MGAM: variants seen among roughly 807,000 people sequenced by gnomAD.
The protein encoded by MGAM is alpha-1,4-glucosidase.
MGAM carries 253 observed loss-of-function variants against 358.8 expected under a neutral mutation model. The ratio of observed to expected loss-of-function variants is 0.71; its 90% CI spans 0.64 to 0.78. MGAM has a LOEUF of 0.78. MGAM is among the 30% of genes least tolerant of loss of function. The pLI is 0.00. For synonymous variants in MGAM, 1,105 were observed against 1,227.1 expected (o/e 0.90, Z 2.08); for missense variants, 3,080 against 3,432.6 (o/e 0.90, Z 2.57).
intron 39 of MGAM, 40 bp downstream of exon 39, chr7:142,065,662 G>A (rs1437943306): frequency 6.2e-7 from 1 of 1,611,976 alleles, no homozygotes; most frequent in Admixed American, 1.7e-5. Context: ...CAAGAAGGTG[G>A]GGACATCTTT....
intron 1 of MGAM, chr7:142,004,351 C>A (rs1804979043): frequency 6.6e-6 from 1 of 152,012 alleles, no homozygotes. Flanking sequence ...CCATGGAATA[C>A]TACTCATCCA....
At chr7:142,018,065 T>C (rs1806111244) in intron 3 of MGAM, among the ~76,000 whole-genome samples, 1 of 152,238 alleles carries the variant, frequency 6.6e-6, no homozygotes, top group African/African-American at 2.4e-5. Context: ...TAATAAATTA[T>C]TCCAAAATTT....
At chr7:142,062,832 T>TA in intron 35 of MGAM, 130 bp downstream of exon 35, 1 of 1,460,982 alleles carries the variant, frequency 6.8e-7, no homozygotes, top group Non-Finnish European at 9.1e-7. Flanking sequence ...AGCAGACACT[T>TA]CTTCCTCTCA....
chr7:142,001,846 G>A (rs1486845440), intron 1 of MGAM, among the ~76,000 whole-genome samples: 5 of 152,144 alleles, frequency 3.3e-5, no homozygotes, highest in African/African-American at 1.2e-4. Context: ...CCCATTACCT[G>A]TCTTCTCTTT....
At chr7:141,988,253 A>G (rs964398803) in intron 2 of MGAM, among the ~76,000 whole-genome samples, 1 of 152,146 alleles carries the variant, frequency 6.6e-6, no homozygotes, top group East Asian at 1.9e-4. Flanking sequence ...GCGCCACTGC[A>G]CTTCAGCACT....
At position 142,070,027 on chromosome 7, in the gene MGAM, A is replaced by G. The variant is rs1415123768; in HGVS notation, c.5062-967A>G. Reference sequence around the variant, plus strand: ...GCTAACACGGTGAAACCCCATCTCTATGAAAAATAAAAACAATTAGCCGGG... The same window carrying G: ...GCTAACACGGTGAAACCCCATCTCTGTGAAAAATAAAAACAATTAGCCGGG... On this transcript the variant is annotated intron_variant, in intron 43 of 70. Coordinates refer to ENST00000475668, the MANE Select transcript of MGAM (RefSeq NM_001365693.1). Among the ~76,000 whole-genome samples, 5 of 144,566 alleles carry G rather than the reference A, an allele frequency of 3.5e-5. 2 individuals carry two copies. Among genetic ancestry groups the G allele is most frequent in the South Asian group, 4.5e-4 (2 of 4,470 alleles). The allele number at this position is 144,566 out of a possible 152,430, so 94.8% of individuals were successfully genotyped here.
In MGAM at chr7:142,050,656, T is replaced by TA. The variant is rs771314802; in HGVS notation, c.2638-41_2638-40insA. On this transcript the variant is annotated intron_variant, in intron 23 of 70. Coordinates refer to ENST00000475668, the MANE Select transcript of MGAM (RefSeq NM_001365693.1). ...GAGTGACTTGAGAATCTGTGTATAC[T>TA]CATATACCTTTATGCATACTTGGAC... The TA allele has an allele frequency of 1.0e-4, 164 of 1,571,324 alleles. 3 individuals are homozygous for TA. In the South Asian group the frequency reaches 1.8e-3, roughly 17 times the overall value.
intron 3 of MGAM, among the ~76,000 whole-genome samples, chr7:142,018,125 C>G (rs1554456891): frequency 6.6e-6 from 1 of 152,236 alleles, no homozygotes. Context: ...AGTCAGACAT[C>G]TGACCTTGGC....
chr7:142,092,314 A>AC, intron 58 of MGAM, among the ~76,000 whole-genome samples: 1 of 144,314 alleles, frequency 6.9e-6, no homozygotes, highest in African/African-American at 2.4e-5. Context: ...CTTGAGAGAG[A>AC]TTTTTTTTTA....
intron 1 of MGAM, among the ~76,000 whole-genome samples, chr7:142,002,452 A>G (rs1336038171): frequency 6.6e-6 from 1 of 152,150 alleles, no homozygotes; most frequent in Non-Finnish European, 1.5e-5. Flanking sequence ...CATCACACAA[A>G]CAGAATTAAA....
rs771682822 is a variant in MGAM at position 142,082,268 on chromosome 7, G to A, written c.6171+58G>A. The A allele has an allele frequency of 1.9e-4, 294 of 1,510,146 alleles. 62 individuals are homozygous for A. Among genetic ancestry groups the A allele is most frequent in the Non-Finnish European group, 2.4e-4 (265 of 1,104,760 alleles). The allele number at this position is 1,510,146 out of a possible 1,614,324, so 93.5% of individuals were successfully genotyped here. On this transcript the variant is annotated intron_variant, in intron 51 of 70. Coordinates refer to ENST00000475668, the MANE Select transcript of MGAM (RefSeq NM_001365693.1). ...GCTTCTCTCCACCCACACTGCTCAG[G>A]CTTTGGGCTTCATCTTCCCAAACTC...
chr7:142,056,144 C>T, intron 29 of MGAM, 48 bp downstream of exon 29: 1 of 1,525,434 alleles, frequency 6.6e-7, no homozygotes, highest in South Asian at 1.2e-5. Context: ...CCAATCATGC[C>T]TGAGTCAATT....
chr7:142,076,955 A>G, intron 47 of MGAM, 129 bp downstream of exon 47: 1 of 1,090,142 alleles, frequency 9.2e-7, no homozygotes, highest in South Asian at 1.4e-5. Context: ...GGGAATTGAG[A>G]GGGCACCTTT....
At chr7:141,995,434 T>C (rs144364044), upstream of MGAM, among the ~76,000 whole-genome samples, 792 of 152,330 alleles carry the variant, frequency 5.2e-3, 10 homozygotes, top group African/African-American at 0.018. Context: ...AGAAAACTAT[T>C]TTTAAAACAT....
rs1166141039 is a variant in MGAM, at chr7:142,096,410, G to A, written c.7687G>A (p.Glu2563Lys). The change falls in exon 65 of 71, where the codon GAG becomes AAG. Residue 2563 changes from glutamate to lysine, a missense_variant. Coordinates refer to ENST00000475668, the MANE Select transcript of MGAM (RefSeq NM_001365693.1). ...AGCCTTCCTGGTCAGCCCTGTCCTG[G>A]AGCGTGTGAGTATGGAGGCCTCCGA... ...GPAFLVSPVL[E>K]RNARNVTAYF... 3.7e-6 allele frequency: 6 copies of A among 1,613,640 alleles called. No individual in the cohort carries two copies. The highest frequency in any genetic ancestry group is 4.2e-6 in the Non-Finnish European group (5 of 1,179,728).
At position 142,066,643 on chromosome 7, in the gene MGAM, C is replaced by T. The variant is rs1436591076; in HGVS notation, c.4841C>T (p.Thr1614Ile). ...ISRNVLQTRY[T>I]LLPYLYTLMQ... ...AGAAATGTCCTGCAGACCAGATACA[C>T]CCTGTTGCCATATCTGTATACCTTG... The change falls in exon 41 of 71, where the codon ACC becomes ATC. Residue 1614 changes from threonine to isoleucine, a missense_variant. Thr to Ile is a moderately conservative substitution (Grantham distance 89). Around this residue, in one of 5 missense-constraint regions of MGAM, gnomAD observed 134 missense variants for 198.4 expected, o/e 0.68. Transcript: ENST00000475668. The T allele has an allele frequency of 1.3e-6, 2 of 1,555,854 alleles. 1 individual carries two copies. The highest frequency in any genetic ancestry group is 1.8e-6 in the Non-Finnish European group (2 of 1,132,434).
chr7:142,053,381 A>G (rs1178482374), intron 26 of MGAM, among the ~76,000 whole-genome samples: 1 of 152,058 alleles, frequency 6.6e-6, no homozygotes, highest in African/African-American at 2.4e-5. Flanking sequence ...ATGGAGATGG[A>G]ACATCAAGAA....
Position 142,059,472 on chromosome 7 carries a change from G to A in MGAM, c.3820G>A (p.Asp1274Asn). The change falls in exon 32 of 71, where the codon GAT becomes AAT. Residue 1274 changes from aspartate to asparagine, a missense_variant and splice_region_variant. Physicochemically the swap from Asp to Asn is conservative, Grantham distance 23. This residue lies in a region of MGAM where 1,816 missense variants were observed against 1,840.5 expected (regional missense o/e 0.99). Transcript: ENST00000475668. ...DEMVAAQIPY[D>N]VQYSDIDYME... ...CTCAGCTCCCCATGTCCTCCCGCAGGATGTGCAGTACTCAGACATCGACTA... is the reference window on the plus strand; with the variant it reads ...CTCAGCTCCCCATGTCCTCCCGCAGAATGTGCAGTACTCAGACATCGACTA... 4 of 1,607,226 alleles carry A rather than the reference G, an allele frequency of 2.5e-6. No homozygotes were observed. Among genetic ancestry groups the A allele is most frequent in the Non-Finnish European group, 3.4e-6 (4 of 1,175,594 alleles).
chr7:142,045,218 T>TG (rs1563156902), intron 21 of MGAM, among the ~76,000 whole-genome samples: 4 of 5,456 alleles, frequency 7.3e-4, no homozygotes, highest in African/African-American at 1.0e-3. Context: ...AACATATATG[T>TG]ATATAATATA....
Sources: allele counts gnomAD v4.1 joint callset (sites outside exome capture counted in the v4.1 genomes callset), GRCh38; gene constraint gnomAD v4.1.1; regional missense constraint gnomAD v4.1.1; transcripts MANE v1.5; gene names NCBI Gene and HGNC (gene_info 2026-07-23, HGNC 2026-07-21).